The following FLRT1 variants were observed in gnomAD, a reference collection of about 807,000 sequenced individuals.
The protein encoded by FLRT1 is fibronectin leucine rich transmembrane protein 1, also known as leucine-rich repeat transmembrane protein FLRT1.
FLRT1 carries 14 observed loss-of-function variants against 30.9 expected under a neutral mutation model. The ratio of observed to expected loss-of-function variants is 0.45; its 90% CI spans 0.30 to 0.71. FLRT1 has a LOEUF of 0.71. Ranked by LOEUF, FLRT1 falls within the 30% of genes least tolerant of loss-of-function variation. The pLI, the probability that FLRT1 is intolerant of heterozygous loss-of-function variation, is 0.08. For synonymous variants in FLRT1, 368 were observed against 430.4 expected (o/e 0.85, Z 1.80); for missense variants, 737 against 949.2 (o/e 0.78, Z 2.94).
rs560892540 is a variant in FLRT1, at chr11:64,096,637, G to A, written c.-1037-6557G>A. Among the ~76,000 whole-genome samples the A allele has an allele frequency of 1.3e-5, 2 of 152,124 alleles. No individual in the cohort carries two copies. Among genetic ancestry groups the A allele is most frequent in the South Asian group, 2.1e-4 (1 of 4,810 alleles). ...TCAACATGTTGGCCAGGCTGGTCTC[G>A]AACTCCTGACCTCAAGTTATCCGCC... On this transcript the variant is annotated intron_variant, in intron 1 of 2. Coordinates refer to ENST00000682287, the MANE Select transcript of FLRT1 (RefSeq NM_013280.5). The surrounding 1 kb of genome is among the most constrained non-coding windows in gnomAD (Gnocchi z 4.6).
Position 64,067,425 on chromosome 11 carries a change from A to T in FLRT1, c.-1038+31266A>T, listed in dbSNP as rs1034635444. Among the ~76,000 whole-genome samples the T allele has an allele frequency of 3.9e-5, 6 of 152,104 alleles. No homozygotes were observed. The highest frequency in any genetic ancestry group is 1.9e-4 in the East Asian group (1 of 5,160). On this transcript the variant is annotated intron_variant, in intron 1 of 2. Coordinates refer to ENST00000682287, the MANE Select transcript of FLRT1 (RefSeq NM_013280.5). This position sits in a 1 kb window ranked among gnomAD's most constrained non-coding sequence, Gnocchi z 4.6. ...ACCTGAGCCTTTCAGCTCACAAATC[A>T]TGCCCCCGGCCCAGGTGACAGCCAG...
chr11:64,091,759 G>T (rs144907535), intron 1 of FLRT1, among the ~76,000 whole-genome samples: 4 of 152,280 alleles, frequency 2.6e-5, no homozygotes, highest in African/African-American at 7.2e-5. Context: ...GTCCCCTCCA[G>T]CAAGGCTTAC....
At chr11:64,088,016 C>A (rs1041934694) in intron 1 of FLRT1, among the ~76,000 whole-genome samples, 6 of 152,176 alleles carry the variant, frequency 3.9e-5, no homozygotes, top group Admixed American at 3.3e-4. Context: ...TGTGGAAACA[C>A]CCCGGTGGTG....
Position 64,117,217 on chromosome 11 carries a change from T to G in FLRT1, c.950T>G (p.Leu317Arg). 6.2e-7 allele frequency: 1 copy of G among 1,614,134 alleles called. No homozygotes were observed. The highest frequency in any genetic ancestry group is 1.7e-4 in the Middle Eastern group (1 of 6,060). The change falls in exon 3 of 3, where the codon CTG (leucine) becomes CGG (arginine). Residue 317 changes from leucine to arginine, a missense_variant. Physicochemically the swap from Leu to Arg is moderately radical, Grantham distance 102. Transcript: ENST00000682287. ...TTLPRGLFDD[L>R]GNLAQLLLRN... ...CTGCCCCGCGGCCTGTTCGACGACC[T>G]GGGGAACCTGGCCCAGCTGCTGCTC...
At chr11:64,060,223 C>A (rs1345087517) in intron 1 of FLRT1, among the ~76,000 whole-genome samples, 1 of 152,252 alleles carries the variant, frequency 6.6e-6, no homozygotes, top group Non-Finnish European at 1.5e-5. Flanking sequence ...ACATTTCAAG[C>A]GGCCTGACAG....
intron 1 of FLRT1, among the ~76,000 whole-genome samples, chr11:64,071,995 G>C (rs886877374): frequency 6.6e-6 from 1 of 152,346 alleles, no homozygotes; most frequent in Admixed American, 6.5e-5. Context: ...CTCCTGAGCC[G>C]CTCCAGCAGG....
At chr11:64,071,478 A>G (rs1944106474) in intron 1 of FLRT1, among the ~76,000 whole-genome samples, 1 of 152,106 alleles carries the variant, frequency 6.6e-6, no homozygotes, top group Admixed American at 6.5e-5. Flanking sequence ...GAGGCCAAGG[A>G]GAGCATTGTC....
intron 2 of FLRT1, among the ~76,000 whole-genome samples, chr11:64,110,965 C>T (rs990951009): frequency 5.9e-5 from 9 of 152,148 alleles, no homozygotes; most frequent in South Asian, 2.1e-4. Context: ...GGGAGGGGGG[C>T]GGCAGGGGAG....
intron 1 of FLRT1, among the ~76,000 whole-genome samples, chr11:64,062,301 G>A (rs1388604756): frequency 1.3e-5 from 2 of 152,298 alleles, no homozygotes; most frequent in Non-Finnish European, 2.9e-5. Flanking sequence ...CTATCAGTGA[G>A]TGAGTGATGA....
intron 1 of FLRT1, among the ~76,000 whole-genome samples, chr11:64,050,924 C>G (rs1943681731): frequency 6.6e-6 from 1 of 152,222 alleles, no homozygotes; most frequent in African/African-American, 2.4e-5. Flanking sequence ...CGGCCACAGC[C>G]TTGCTTTTCT....
At chr11:64,091,032 G>A (rs979106189) in intron 1 of FLRT1, among the ~76,000 whole-genome samples, 8 of 149,918 alleles carry the variant, frequency 5.3e-5, no homozygotes, top group Non-Finnish European at 1.2e-4. Flanking sequence ...GGAGGGAGGG[G>A]AGAAAGAAGA....
chr11:64,041,945 C>G (rs1943495066), intron 1 of FLRT1, among the ~76,000 whole-genome samples: 1 of 152,218 alleles, frequency 6.6e-6, no homozygotes, highest in Non-Finnish European at 1.5e-5. Flanking sequence ...GGGCTCCTAG[C>G]CTGGGCTGGG....
chr11:64,090,518 C>G lies in FLRT1; in HGVS notation c.-1037-12676C>G, dbSNP rs564906954. ...AAATAACCACATTTGCTTCCCCGGGCCCTCCCTCGACCGGCTCTGCCTGCT... is the reference window on the plus strand; with the variant it reads ...AAATAACCACATTTGCTTCCCCGGGGCCTCCCTCGACCGGCTCTGCCTGCT... On this transcript the variant is annotated intron_variant, in intron 1 of 2. Transcript: ENST00000682287. The surrounding 1 kb of genome is among the most constrained non-coding windows in gnomAD (Gnocchi z 4.7). Among the ~76,000 whole-genome samples, 1 of 152,198 alleles carries G rather than the reference C, an allele frequency of 6.6e-6. No individual in the cohort carries two copies. The highest frequency in any genetic ancestry group is 2.4e-5 in the African/African-American group (1 of 41,530).
chr11:64,118,062 G>A lies in FLRT1; in HGVS notation c.1795G>A (p.Asp599Asn), dbSNP rs1945026173. The change falls in exon 3 of 3, where the codon GAC becomes AAC. Residue 599 changes from aspartate (D) to asparagine (N), a missense_variant. Physicochemically the swap from Asp to Asn is conservative, Grantham distance 23 (BLOSUM62 1). Transcript: ENST00000682287. Reference protein sequence around the residue: ...AYNRGSRKKDDYMESGTKKDN... With the variant: ...AYNRGSRKKDNYMESGTKKDN... ...CAACCGGGGCAGCAGGAAAAAGGAT[G>A]ACTATATGGAGTCAGGGACCAAGAA... 1 of 1,613,152 alleles carries A rather than the reference G, an allele frequency of 6.2e-7. No individual in the cohort carries two copies. The highest frequency in any genetic ancestry group is 1.3e-5 in the African/African-American group (1 of 74,936).
intron 1 of FLRT1, among the ~76,000 whole-genome samples, chr11:64,073,922 G>C (rs1458683874): frequency 1.3e-5 from 2 of 152,188 alleles, no homozygotes; most frequent in African/African-American, 2.4e-5. Context: ...GGGTTGGTTG[G>C]GCTGAAGGTC....
At chr11:64,086,182 C>A (rs537096607) in intron 1 of FLRT1, among the ~76,000 whole-genome samples, 1 of 152,276 alleles carries the variant, frequency 6.6e-6, no homozygotes, top group East Asian at 1.9e-4. Flanking sequence ...ACAGTGGGAT[C>A]CCCCAGGGCT....
In FLRT1 at chr11:64,090,305, A is replaced by G. The variant is rs1381032144; in HGVS notation, c.-1037-12889A>G. On this transcript the variant is annotated intron_variant, in intron 1 of 2. Transcript: ENST00000682287. This position sits in a 1 kb window ranked among gnomAD's most constrained non-coding sequence, Gnocchi z 4.7. The stretch of plus-strand genomic sequence containing the variant: ...CGTTGCTTTTCCCGTCTGGGAGTCT[A>G]ATAGTCAGCAGTTATTTATCGTCTC... 5.3e-5 allele frequency among the ~76,000 whole-genome samples: 8 copies of G among 152,202 alleles called. No individual in the cohort carries two copies. Among genetic ancestry groups the G allele is most frequent in the Non-Finnish European group, 1.2e-4 (8 of 68,026 alleles).
In FLRT1 at chr11:64,051,429, G is replaced by A. The variant is rs963562112; in HGVS notation, c.-1038+15270G>A. Among the ~76,000 whole-genome samples the A allele has an allele frequency of 5.3e-5, 8 of 152,182 alleles. No homozygotes were observed. The East Asian group carries it at 5.8e-4, about 11-fold the overall frequency. On this transcript the variant is annotated intron_variant, in intron 1 of 2. Coordinates refer to ENST00000682287, the MANE Select transcript of FLRT1 (RefSeq NM_013280.5). ...GACACTCAGTGGTGACAGTGATGGC[G>A]GACCCACCCTCCCCAGGGTGGCACT...
chr11:64,052,181 C>T (rs513552), intron 1 of FLRT1, among the ~76,000 whole-genome samples: 22,315 of 151,780 alleles, frequency 0.15, 2,036 homozygotes, highest in Non-Finnish European at 0.2. Context: ...CCCAGAGCCC[C>T]GGTGCCAAAC....
Sources: gnomAD v4.1 joint callset for allele counts (sites outside exome capture counted in the v4.1 genomes callset) on GRCh38, gnomAD v4.1.1 for gene constraint, Gnocchi (gnomAD v3.1) non-coding constraint, MANE v1.5 for transcripts, NCBI Gene and HGNC (gene_info 2026-07-23, HGNC 2026-07-21) for gene names.